Variants in DNAH11 observed in about 807,000 individuals in gnomAD.
The protein encoded by DNAH11 is axonemal beta dynein heavy chain 11.
A neutral mutation model predicts 526.0 loss-of-function variants in DNAH11; 442 were observed. That is an observed-to-expected ratio of 0.84 (90% CI 0.78 to 0.91). The LOEUF (loss-of-function observed/expected upper bound fraction) is 0.91, where lower values mean the gene tolerates loss of function less well. DNAH11 is among the 40% of genes least tolerant of loss of function. The probability of loss-of-function intolerance (pLI) is 0.00; values close to 1 mark genes in which losing one functional copy is unlikely to be tolerated. For synonymous variants in DNAH11, 2,461 were observed against 1,935.9 expected, an observed-to-expected ratio of 1.27 and a Z score of -7.12; for missense variants, 6,989 against 5,448.7, an observed-to-expected ratio of 1.28 and a Z score of -8.90.
intron 25 of DNAH11, among the ~76,000 whole-genome samples, chr7:21,635,389 C>T (rs900580300): frequency 1.3e-5 from 2 of 152,174 alleles, no homozygotes; most frequent in African/African-American, 4.8e-5. Flanking sequence ...ATCTCCTGAC[C>T]TCGTGATCCG....
At chr7:21,558,780 A>C (rs1201666680) in intron 2 of DNAH11, 22 bp from the exon 3 acceptor site, 21 of 1,533,310 alleles carry the variant, frequency 1.4e-5, no homozygotes, top group Non-Finnish European at 1.8e-5. Flanking sequence ...AAATTAATTT[A>C]ACTATGTTTC....
chr7:21,617,590 G>C (rs778475772), intron 22 of DNAH11, 29 bp from the exon 23 acceptor site: 12 of 1,612,264 alleles, frequency 7.4e-6, no homozygotes, highest in Admixed American at 3.3e-5. Context: ...TATCTTGGGA[G>C]CTAGGTTTTT....
intron 34 of DNAH11, 149 bp downstream of exon 34, chr7:21,687,676 TAG>T: frequency 1.0e-6 from 1 of 984,724 alleles, no homozygotes; most frequent in Non-Finnish European, 1.5e-6. Flanking sequence ...TTATTTTGAA[TAG>T]TCTCCCATTT....
chr7:21,853,115 A>G (rs905504236), intron 67 of DNAH11, among the ~76,000 whole-genome samples: 1 of 152,170 alleles, frequency 6.6e-6, no homozygotes, highest in Non-Finnish European at 1.5e-5. Flanking sequence ...TCACCCCAGG[A>G]AAAATGACAT....
chr7:21,574,499 C>T (rs952065927), intron 8 of DNAH11, among the ~76,000 whole-genome samples: 9 of 152,008 alleles, frequency 5.9e-5, no homozygotes, highest in African/African-American at 1.9e-4. Context: ...AAGTTTGAAT[C>T]CAGAACTCTC....
At chr7:21,576,678 T>C (rs1784104558) in intron 8 of DNAH11, among the ~76,000 whole-genome samples, 1 of 152,216 alleles carries the variant, frequency 6.6e-6, no homozygotes, top group Non-Finnish European at 1.5e-5. Context: ...AATGCTGTAT[T>C]TCAGCTTACT....
intron 58 of DNAH11, among the ~76,000 whole-genome samples, chr7:21,784,922 G>A (rs1056332095): frequency 6.6e-6 from 1 of 152,192 alleles, no homozygotes; most frequent in Non-Finnish European, 1.5e-5. Flanking sequence ...AATATAAAGA[G>A]TAGCATTGAT....
chr7:21,765,964 C>T (rs1787169922), intron 55 of DNAH11, among the ~76,000 whole-genome samples: 1 of 152,126 alleles, frequency 6.6e-6, no homozygotes, highest in Non-Finnish European at 1.5e-5. Context: ...AAAGCCCAAA[C>T]AGAAATGTAG....
At chr7:21,694,214 G>T (rs949121267) in intron 35 of DNAH11, among the ~76,000 whole-genome samples, 7 of 151,996 alleles carry the variant, frequency 4.6e-5, no homozygotes, top group Non-Finnish European at 8.8e-5. Flanking sequence ...TAAGTTCTGG[G>T]ATACATGTGC....
intron 42 of DNAH11, among the ~76,000 whole-genome samples, chr7:21,716,806 G>A (rs1364985813): frequency 6.6e-6 from 1 of 152,156 alleles, no homozygotes; most frequent in African/African-American, 2.4e-5. Context: ...ACCTGAAAAA[G>A]TTTTGACAGT....
At chr7:21,603,939 T>G (rs962534534) in intron 18 of DNAH11, among the ~76,000 whole-genome samples, 1 of 152,184 alleles carries the variant, frequency 6.6e-6, no homozygotes, top group African/African-American at 2.4e-5. Context: ...TTTTCAACAT[T>G]TCAAAAGCAG....
At chr7:21,737,191 A>G (rs183862020) in intron 46 of DNAH11, among the ~76,000 whole-genome samples, 31 of 152,350 alleles carry the variant, frequency 2.0e-4, no homozygotes, top group African/African-American at 6.5e-4. Flanking sequence ...AAGCAAAGAC[A>G]TGGAAGAGAG....
chr7:21,665,360 A>G (rs1273529183), intron 30 of DNAH11, among the ~76,000 whole-genome samples: 1 of 152,126 alleles, frequency 6.6e-6, no homozygotes, highest in African/African-American at 2.4e-5. Context: ...GTTATCGTTA[A>G]TAATACTGCA....
intron 35 of DNAH11, among the ~76,000 whole-genome samples, chr7:21,695,413 A>G (rs1783807678): frequency 6.6e-6 from 1 of 152,242 alleles, no homozygotes; most frequent in African/African-American, 2.4e-5. Context: ...CCAATGGAAC[A>G]GAACGGAGGC....
chr7:21,843,649 T>G (rs1782304015), intron 66 of DNAH11, among the ~76,000 whole-genome samples: 1 of 151,758 alleles, frequency 6.6e-6, no homozygotes, highest in Non-Finnish European at 1.5e-5. Flanking sequence ...CCCAGCTAAT[T>G]TTTGTATTTT....
chr7:21,554,320 C>A (rs889294519), intron 2 of DNAH11, among the ~76,000 whole-genome samples: 1 of 151,920 alleles, frequency 6.6e-6, no homozygotes, highest in Non-Finnish European at 1.5e-5. Flanking sequence ...ATTACAGGTG[C>A]GTACCACCAT....
chr7:21,806,944 G>C (rs933002047), intron 62 of DNAH11, among the ~76,000 whole-genome samples: 1 of 152,134 alleles, frequency 6.6e-6, no homozygotes, highest in African/African-American at 2.4e-5. Flanking sequence ...ATAGGTCATA[G>C]CTTCCTCCAC....
At position 21,901,366 on chromosome 7, in the gene DNAH11, ATTC is replaced by A; in HGVS notation, c.*115_*117del. On this transcript the variant is annotated 3_prime_UTR_variant, in exon 82 of 82. Coordinates refer to ENST00000409508, the MANE Select transcript of DNAH11 (RefSeq NM_001277115.2). ...TAACTTTTTAGTAACTCACACGTGC[ATTC>A]TTTTTTCAACGCTATCCTTAGAGTG... 7.3e-7 allele frequency: 1 copy of A among 1,364,778 alleles called. No homozygotes were observed. The highest frequency in any genetic ancestry group is 9.6e-7 in the Non-Finnish European group (1 of 1,046,202). 84.5% of individuals were successfully genotyped at this position (1,364,778 alleles called of 1,614,324 possible).
At chr7:21,606,327 GAAAA>G (rs373160486) in intron 18 of DNAH11, 95 bp from the exon 19 acceptor site, 4 of 830,754 alleles carry the variant, frequency 4.8e-6, no homozygotes, top group Middle Eastern at 3.5e-4. Flanking sequence ...TGTCTCAAGA[GAAAA>G]AAAAAAAAGA....
Sources: allele counts gnomAD v4.1 joint callset (sites outside exome capture counted in the v4.1 genomes callset), GRCh38; gene constraint gnomAD v4.1.1; transcripts MANE v1.5; gene names NCBI Gene and HGNC (gene_info 2026-07-23, HGNC 2026-07-21).